Variants in CAMTA1 observed in about 807,000 individuals in gnomAD.
CAMTA1 encodes the protein calmodulin-binding transcription activator 1.
A neutral mutation model predicts 170.9 loss-of-function variants in CAMTA1; 27 were observed. The ratio of observed to expected loss-of-function variants is 0.16; its 90% CI spans 0.12 to 0.22. CAMTA1 has a LOEUF of 0.22. Ranked by LOEUF, CAMTA1 falls within the 10% of genes least tolerant of loss-of-function variation. The pLI is 1.00. For synonymous variants in CAMTA1, 833 were observed against 891.5 expected (o/e 0.93, Z 1.17); for missense variants, 1,619 against 2,217.2 (o/e 0.73, Z 5.42).
chr1:6,995,954 G>T (rs894939297), intron 3 of CAMTA1, among the ~76,000 whole-genome samples: 1 of 152,250 alleles, frequency 6.6e-6, no homozygotes, highest in African/African-American at 2.4e-5. Flanking sequence ...CCTGGGGCAA[G>T]TAGGGCAGGG....
At chr1:6,924,959 G>C (rs962163548) in intron 3 of CAMTA1, among the ~76,000 whole-genome samples, 2 of 152,232 alleles carry the variant, frequency 1.3e-5, no homozygotes, top group East Asian at 1.9e-4. Flanking sequence ...ATATGGTTGG[G>C]GGGGACTGTG....
chr1:7,140,328 T>G (rs1306158823), intron 4 of CAMTA1, among the ~76,000 whole-genome samples: 1 of 152,192 alleles, frequency 6.6e-6, no homozygotes, highest in Non-Finnish European at 1.5e-5. Flanking sequence ...GGCAACTTTT[T>G]TTTCCCCTGA....
At chr1:6,916,826 A>G (rs1680911980) in intron 3 of CAMTA1, among the ~76,000 whole-genome samples, 1 of 152,214 alleles carries the variant, frequency 6.6e-6, no homozygotes, top group Admixed American at 6.5e-5. Context: ...TTCCGTGCAG[A>G]TGTCATAGCA....
At chr1:7,704,145 G>C (rs896396335) in intron 11 of CAMTA1, among the ~76,000 whole-genome samples, 3 of 150,716 alleles carry the variant, frequency 2.0e-5, no homozygotes, top group African/African-American at 4.8e-5. Flanking sequence ...TCCTCCCGCC[G>C]GCTGCATTGC....
At chr1:7,705,798 G>A (rs1048883630) in intron 11 of CAMTA1, among the ~76,000 whole-genome samples, 3 of 152,200 alleles carry the variant, frequency 2.0e-5, no homozygotes, top group African/African-American at 7.2e-5. Flanking sequence ...TCACCCGCGT[G>A]CACAGGGCAG....
intron 6 of CAMTA1, among the ~76,000 whole-genome samples, chr1:7,523,825 G>A (rs942287919): frequency 1.3e-5 from 2 of 151,750 alleles, no homozygotes; most frequent in African/African-American, 2.4e-5. Context: ...AGAGCTTGCC[G>A]TGAGCCAAGA....
intron 3 of CAMTA1, among the ~76,000 whole-genome samples, chr1:6,946,842 T>C (rs958547940): frequency 6.6e-6 from 1 of 151,910 alleles, no homozygotes; most frequent in Non-Finnish European, 1.5e-5. Context: ...AGTTTTTCTT[T>C]TGCTGTTTGT....
chr1:7,139,062 T>A (rs1645719134), intron 4 of CAMTA1, among the ~76,000 whole-genome samples: 1 of 141,756 alleles, frequency 7.1e-6, no homozygotes, highest in African/African-American at 2.7e-5. Flanking sequence ...TTTATATTTA[T>A]TATTTGTTTA....
intron 6 of CAMTA1, among the ~76,000 whole-genome samples, chr1:7,632,261 C>T (rs1026137885): frequency 1.2e-4 from 18 of 152,360 alleles, no homozygotes; most frequent in Non-Finnish European, 1.5e-4. Flanking sequence ...GCTGCTTCCT[C>T]GCCCGTCTCC....
chr1:7,588,579 G>A lies in CAMTA1; in HGVS notation c.511-51821G>A, dbSNP rs1200450494. On this transcript the variant is annotated intron_variant, in intron 6 of 22. Coordinates refer to ENST00000303635, the MANE Select transcript of CAMTA1 (RefSeq NM_015215.4). This position sits in a 1 kb window ranked among gnomAD's most constrained non-coding sequence, Gnocchi z 5.8. ...CAGACTCCAGACCTTGGACTCTCGG[G>A]TCCCATGCAGCTCCAGGCCAGGGCG... 1.3e-5 allele frequency among the ~76,000 whole-genome samples: 2 copies of A among 152,214 alleles called. No individual in the cohort carries two copies. Among genetic ancestry groups the A allele is most frequent in the African/African-American group, 4.8e-5 (2 of 41,462 alleles).
chr1:7,207,643 G>T (rs1307445374), intron 4 of CAMTA1, among the ~76,000 whole-genome samples: 1 of 152,166 alleles, frequency 6.6e-6, no homozygotes, highest in Non-Finnish European at 1.5e-5. Context: ...CACGAGGCCA[G>T]TGGCTGGTCC....
At chr1:6,975,894 G>C (rs1171072658) in intron 3 of CAMTA1, among the ~76,000 whole-genome samples, 1 of 152,142 alleles carries the variant, frequency 6.6e-6, no homozygotes, top group Non-Finnish European at 1.5e-5. Context: ...CATGTAAACA[G>C]GATAGTGCAG....
At chr1:6,928,019 G>T (rs1350759283) in intron 3 of CAMTA1, among the ~76,000 whole-genome samples, 1 of 152,132 alleles carries the variant, frequency 6.6e-6, no homozygotes, top group African/African-American at 2.4e-5. Context: ...GACAGGAGGG[G>T]CCAGGCTCCA....
At chr1:7,180,717 G>A (rs1651969783) in intron 4 of CAMTA1, among the ~76,000 whole-genome samples, 1 of 151,860 alleles carries the variant, frequency 6.6e-6, no homozygotes, top group South Asian at 2.1e-4. Context: ...TCACCATGTT[G>A]CCCAGGCTGG....
intron 4 of CAMTA1, among the ~76,000 whole-genome samples, chr1:7,132,773 G>C (rs759898090): frequency 5.3e-5 from 8 of 152,126 alleles, no homozygotes; most frequent in African/African-American, 9.7e-5. Context: ...CTATCAGCTA[G>C]ACTAAAAACC....
At chr1:7,321,711 G>T (rs1004031332) in intron 5 of CAMTA1, among the ~76,000 whole-genome samples, 9 of 152,190 alleles carry the variant, frequency 5.9e-5, no homozygotes, top group South Asian at 4.1e-4. Flanking sequence ...CCCTACCATG[G>T]TGTTGGACAT....
At chr1:7,513,134 A>G (rs2094225638) in intron 6 of CAMTA1, among the ~76,000 whole-genome samples, 1 of 152,100 alleles carries the variant, frequency 6.6e-6, no homozygotes, top group African/African-American at 2.4e-5. Flanking sequence ...GGTGCTTGTG[A>G]CGACCCAGGT....
intron 10 of CAMTA1, among the ~76,000 whole-genome samples, chr1:7,676,005 C>T (rs998529482): frequency 6.6e-6 from 1 of 152,220 alleles, no homozygotes; most frequent in African/African-American, 2.4e-5. Flanking sequence ...AGGCCATCCC[C>T]CCCGACCCCA....
rs867390657 is a variant in CAMTA1 at position 7,688,536 on chromosome 1, G to A, written c.2914+10803G>A. Among the ~76,000 whole-genome samples the A allele has an allele frequency of 3.9e-5, 6 of 152,256 alleles. No homozygotes were observed. In the Middle Eastern group the frequency reaches 0.01, roughly 259 times the overall value. On this transcript the variant is annotated intron_variant, in intron 11 of 22. Coordinates refer to ENST00000303635, the MANE Select transcript of CAMTA1 (RefSeq NM_015215.4). Reference sequence around the variant, plus strand: ...GTGCCAGTCTGTGTGTGCAGCTGCCGGGAGAAGTGGTCCTGAGACCCAGAA... The same window carrying A: ...GTGCCAGTCTGTGTGTGCAGCTGCCAGGAGAAGTGGTCCTGAGACCCAGAA...
Sources: allele counts gnomAD v4.1 joint callset (sites outside exome capture counted in the v4.1 genomes callset), GRCh38; gene constraint gnomAD v4.1.1; non-coding constraint Gnocchi (gnomAD v3.1); transcripts MANE v1.5; gene names NCBI Gene and HGNC (gene_info 2026-07-23, HGNC 2026-07-21).